Variants in UBAP1 observed in about 807,000 individuals in gnomAD.
UBAP1 encodes the protein ubiquitin-associated protein 1.
In UBAP1, 5 loss-of-function variants were observed where a neutral mutation model predicts 39.0. That is an observed-to-expected ratio of 0.13 (90% CI 0.07 to 0.27). The LOEUF (loss-of-function observed/expected upper bound fraction) is 0.27, where lower values mean the gene tolerates loss of function less well. UBAP1 is among the 10% of genes least tolerant of loss of function. The pLI is 1.00. For synonymous variants in UBAP1, 211 were observed against 225.1 expected (o/e 0.94, Z 0.56); for missense variants, 490 against 608.1 (o/e 0.81, Z 2.04).
intron 1 of UBAP1, among the ~76,000 whole-genome samples, chr9:34,190,331 C>T (rs1230124079): frequency 6.6e-6 from 1 of 152,106 alleles, no homozygotes; most frequent in Non-Finnish European, 1.5e-5. Context: ...ACTCTGTCAC[C>T]CAGACTGGAG....
chr9:34,194,706 A>G (rs565921211), intron 1 of UBAP1, among the ~76,000 whole-genome samples: 1 of 152,348 alleles, frequency 6.6e-6, no homozygotes. Flanking sequence ...TGAAAACATT[A>G]TGCCATGTGT....
chr9:34,197,309 A>C (rs1482199356), intron 1 of UBAP1, among the ~76,000 whole-genome samples: 1 of 150,930 alleles, frequency 6.6e-6, no homozygotes, highest in Non-Finnish European at 1.5e-5. Flanking sequence ...ATTTTTATTA[A>C]AATTTTTTTT....
chr9:34,214,313 A>T (rs1832180399), intron 1 of UBAP1, among the ~76,000 whole-genome samples: 1 of 152,192 alleles, frequency 6.6e-6, no homozygotes, highest in Non-Finnish European at 1.5e-5. Context: ...GTACTGGTAT[A>T]AAAATAGGCA....
chr9:34,219,364 A>G (rs1832530853), intron 1 of UBAP1, among the ~76,000 whole-genome samples: 1 of 152,162 alleles, frequency 6.6e-6, no homozygotes, highest in Admixed American at 6.5e-5. Flanking sequence ...GTGGGATTAC[A>G]TGTGTAAGTC....
intron 4 of UBAP1, among the ~76,000 whole-genome samples, chr9:34,243,968 G>A (rs1240132725): frequency 6.6e-6 from 1 of 152,066 alleles, no homozygotes; most frequent in Admixed American, 6.6e-5. Context: ...TTCTGCCTCA[G>A]CCTCCAGAGT....
intron 3 of UBAP1, among the ~76,000 whole-genome samples, chr9:34,236,420 C>T (rs1362363194): frequency 6.6e-6 from 1 of 152,088 alleles, no homozygotes; most frequent in African/African-American, 2.4e-5. Context: ...TTTTTTAGAG[C>T]GTATCCTTGT....
intron 1 of UBAP1, among the ~76,000 whole-genome samples, chr9:34,182,635 C>CTT (rs1355676549): frequency 1.7e-5 from 1 of 57,818 alleles, no homozygotes; most frequent in Non-Finnish European, 4.4e-5. Flanking sequence ...TTCTTTCTTT[C>CTT]TTTCTTTCTT....
chr9:34,182,624 T>G (rs995462280), intron 1 of UBAP1, among the ~76,000 whole-genome samples: 70 of 36,146 alleles, frequency 1.9e-3, no homozygotes, highest in African/African-American at 6.1e-3. Flanking sequence ...TCCTTCTTTC[T>G]TTCTTTCTTT....
At chr9:34,188,898 G>A (rs1308254169) in intron 1 of UBAP1, among the ~76,000 whole-genome samples, 2 of 152,008 alleles carry the variant, frequency 1.3e-5, no homozygotes, top group East Asian at 1.9e-4. Context: ...CAGAGGTTTC[G>A]GTGAGCCGAG....
chr9:34,182,604 T>TTTCTTTCTTTCC (rs1563880793), intron 1 of UBAP1, among the ~76,000 whole-genome samples: 3 of 149,592 alleles, frequency 2.0e-5, no homozygotes, highest in African/African-American at 7.4e-5. Flanking sequence ...CTTTTTTCTT[T>TTTCTTTCTTTCC]TTCTTTCTTT....
intron 1 of UBAP1, among the ~76,000 whole-genome samples, chr9:34,207,337 C>T (rs1413027529): frequency 1.3e-5 from 2 of 149,810 alleles, no homozygotes; most frequent in African/African-American, 2.4e-5. Context: ...TGGGTCACCA[C>T]GCCTGGCCGC....
intron 2 of UBAP1, among the ~76,000 whole-genome samples, chr9:34,223,674 C>A (rs1832881838): frequency 2.0e-5 from 3 of 152,086 alleles, no homozygotes; most frequent in Admixed American, 2.0e-4. Context: ...CCAGGATGGT[C>A]TCGATCTCCT....
intron 1 of UBAP1, among the ~76,000 whole-genome samples, chr9:34,184,017 G>A (rs989335282): frequency 6.6e-6 from 1 of 151,884 alleles, no homozygotes; most frequent in African/African-American, 2.4e-5. Flanking sequence ...TGATCCATCC[G>A]CTTCGGCCTC....
At chr9:34,246,363 G>C (rs1334451892) in intron 4 of UBAP1, among the ~76,000 whole-genome samples, 1 of 152,220 alleles carries the variant, frequency 6.6e-6, no homozygotes, top group African/African-American at 2.4e-5. Flanking sequence ...ATTGCTCCTG[G>C]CCTTAGTTTG....
intron 1 of UBAP1, among the ~76,000 whole-genome samples, chr9:34,182,631 CTTTCTTTCT>C (rs1830117431): frequency 3.6e-5 from 2 of 54,998 alleles, no homozygotes; most frequent in Admixed American, 2.3e-4. Flanking sequence ...TTCTTTCTTT[CTTTCTTTCT>C]TTCTTTCTTT....
At chr9:34,229,260 CTTTT>C (rs1263815683) in intron 2 of UBAP1, among the ~76,000 whole-genome samples, 3 of 141,470 alleles carry the variant, frequency 2.1e-5, no homozygotes, top group Non-Finnish European at 1.6e-5. Flanking sequence ...GGATTTTTAT[CTTTT>C]TTTTTTTTTT....
intron 1 of UBAP1, among the ~76,000 whole-genome samples, chr9:34,217,315 C>T (rs968592788): frequency 6.6e-6 from 1 of 152,152 alleles, no homozygotes; most frequent in South Asian, 2.1e-4. Context: ...CAGCTCACTG[C>T]AGCCTCTGCC....
rs1359223198 is a variant in UBAP1 at position 34,242,062 on chromosome 9, T to C, written c.1037T>C (p.Leu346Ser). The C allele has an allele frequency of 1.2e-6, 2 of 1,613,666 alleles. No homozygotes were observed. The highest frequency in any genetic ancestry group is 1.7e-6 in the Non-Finnish European group (2 of 1,179,580). ...TCCCAGATGCCTTCCCTCTCTGTTT[T>C]GTCTGTGTGCACAGAGGAATCATCA... The part of the protein sequence containing the change: ...TSSQMPSLSV[L>S]SVCTEESSPP... The change falls in exon 4 of 7, where the codon TTG becomes TCG. Residue 346 changes from leucine to serine, a missense_variant. By Grantham distance (145) the Leu-to-Ser change is moderately radical. Transcript: ENST00000297661.
intron 1 of UBAP1, among the ~76,000 whole-genome samples, chr9:34,216,837 G>C (rs1425399932): frequency 6.6e-6 from 1 of 151,302 alleles, no homozygotes; most frequent in East Asian, 1.9e-4. Context: ...AGTAGAGATG[G>C]GGTTTGGCCA....
Sources: allele counts gnomAD v4.1 joint callset (sites outside exome capture counted in the v4.1 genomes callset), GRCh38; gene constraint gnomAD v4.1.1; transcripts MANE v1.5; gene names NCBI Gene and HGNC (gene_info 2026-07-23, HGNC 2026-07-21).